IGFN1: variants seen among roughly 807,000 people sequenced by gnomAD.
The protein encoded by IGFN1 is immunoglobulin like and fibronectin type III domain containing 1.
Under a neutral mutation model 289.5 loss-of-function variants are expected in IGFN1, and 253 were observed. That is an observed-to-expected ratio of 0.87 (90% CI 0.79 to 0.97). The LOEUF (loss-of-function observed/expected upper bound fraction) is 0.97, where lower values mean the gene tolerates loss of function less well. IGFN1 is among the 50% of genes least tolerant of loss of function. IGFN1 has a pLI of 0.00. For missense variants in IGFN1, 4,470 were observed against 4,686.1 expected, an observed-to-expected ratio of 0.95 and a Z score of 1.35; for synonymous variants, 1,706 against 1,788.5, an observed-to-expected ratio of 0.95 and a Z score of 1.16.
intron 3 of IGFN1, among the ~76,000 whole-genome samples, chr1:201,194,494 C>T (rs1405515821): frequency 2.0e-5 from 3 of 152,178 alleles, no homozygotes; most frequent in African/African-American, 7.2e-5. Flanking sequence ...AGTGAAGAGA[C>T]ACCATGCTAT....
At position 201,207,543 on chromosome 1, in the gene IGFN1, G is replaced by T; in HGVS notation, c.2650G>T (p.Asp884Tyr). Residue 884 changes from aspartate to tyrosine, a missense_variant, in exon 12 of 24, where the codon GAT becomes TAT. Coordinates refer to ENST00000335211, the MANE Select transcript of IGFN1 (RefSeq NM_001164586.2). ...ACTGACGGAGTCTGGTCAGGGGGTG[G>T]ATGCCAGAAGCCACTGGCTAAGTAG... Reference protein sequence around the residue: ...AGLTESGQGVDARSHWLSRAP... With the variant: ...AGLTESGQGVYARSHWLSRAP... The T allele has an allele frequency of 6.5e-7, 1 of 1,536,888 alleles. No individual in the cohort carries two copies. The highest frequency in any genetic ancestry group is 1.2e-5 in the South Asian group (1 of 84,046).
At position 201,206,854 on chromosome 1, in the gene IGFN1, T is replaced by C; in HGVS notation, c.1961T>C (p.Val654Ala). Residue 654 changes from valine (V) to alanine (A), a missense_variant, in exon 12 of 24, where the codon GTG becomes GCG. By Grantham distance (64) the Val-to-Ala change is moderately conservative. This residue lies in a region of IGFN1 where 2,011 missense variants were observed against 1,953.4 expected (regional missense o/e 1.03). Transcript: ENST00000335211. Reference protein sequence around the residue: ...PSRERGRGIVVWGGGTGLGEA... With the variant: ...PSRERGRGIVAWGGGTGLGEA... ...AGGGAAAGGGGGAGAGGAATAGTAG[T>C]GTGGGGTGGTGGGACTGGCCTGGGA... 2 of 1,535,778 alleles carry C rather than the reference T, an allele frequency of 1.3e-6. No homozygotes were observed. The highest frequency in any genetic ancestry group is 8.7e-7 in the Non-Finnish European group (1 of 1,146,412).
Position 201,212,204 on chromosome 1 carries a change from A to G in IGFN1, c.7311A>G (p.Ala2437=). Residue 2437 remains alanine, a synonymous_variant, in exon 12 of 24, where the codon GCA becomes GCG. Coordinates refer to ENST00000335211, the MANE Select transcript of IGFN1 (RefSeq NM_001164586.2). ...AGMPGTAGGM[A]HRDSLRGTGV... Reference sequence around the variant, plus strand: ...TGCCAGGCACTGCAGGTGGCATGGCACACAGAGACAGCCTCAGGGGCACAG... The same window carrying G: ...TGCCAGGCACTGCAGGTGGCATGGCGCACAGAGACAGCCTCAGGGGCACAG... 1 of 1,534,846 alleles carries G rather than the reference A, an allele frequency of 6.5e-7. No homozygotes were observed.
In IGFN1 at chr1:201,215,021, C is replaced by T. The variant is rs756145525; in HGVS notation, c.8862C>T (p.Thr2954=). Residue 2954 remains threonine (T), a synonymous_variant, in exon 14 of 24, where the codon ACC becomes ACT. Coordinates refer to ENST00000335211, the MANE Select transcript of IGFN1 (RefSeq NM_001164586.2). ...TWFKDGVKLT[T]QDGVIFKQDG... ...TGTGGCCCTGTCTCCAGCTCACCAC[C>T]CAGGATGGAGTCATCTTTAAGCAAG... 1 of 1,613,698 alleles carries T rather than the reference C, an allele frequency of 6.2e-7. No individual in the cohort carries two copies. The highest frequency in any genetic ancestry group is 8.5e-7 in the Non-Finnish European group (1 of 1,179,862).
intron 18 of IGFN1, 96 bp downstream of exon 18, chr1:201,218,754 G>A (rs1210215661): frequency 4.9e-5 from 63 of 1,275,966 alleles, no homozygotes; most frequent in East Asian, 2.6e-4. Context: ...GTCACAGGTC[G>A]GGGCAGTCCT....
intron 7 of IGFN1, among the ~76,000 whole-genome samples, chr1:201,199,948 C>T (rs751845570): frequency 2.0e-5 from 3 of 151,406 alleles, no homozygotes; most frequent in Non-Finnish European, 4.4e-5. Context: ...TTTTTTTAAG[C>T]AACAGAACAA....
At position 201,215,846 on chromosome 1, in the gene IGFN1, C is replaced by G. The variant is rs1371691266; in HGVS notation, c.9295+8C>G. On this transcript the variant is annotated splice_region_variant and intron_variant, in intron 15 of 23. Coordinates refer to ENST00000335211, the MANE Select transcript of IGFN1 (RefSeq NM_001164586.2). ...TCACTCTGCAAGTCATAGGTACCAG[C>G]CCTGTCTTCCCCCAACTAAGGCCTG... is the stretch of plus-strand genomic sequence containing the variant. 6.2e-7 allele frequency: 1 copy of G among 1,604,324 alleles called. No individual in the cohort carries two copies. Among genetic ancestry groups the G allele is most frequent in the Non-Finnish European group, 8.5e-7 (1 of 1,175,774 alleles).
rs778805082 is a variant in IGFN1 at position 201,221,479 on chromosome 1, G to A, written c.9934G>A (p.Asp3312Asn). The change falls in exon 19 of 24, where the codon GAC becomes AAC. Residue 3312 changes from aspartate to asparagine, a missense_variant. This residue lies in a region of IGFN1 where 2,218 missense variants were observed against 2,114.1 expected (regional missense o/e 1.05). Coordinates refer to ENST00000335211, the MANE Select transcript of IGFN1 (RefSeq NM_001164586.2). Reference protein sequence around the residue: ...PGLVRNLQVTDRSNTSITLSW... With the variant: ...PGLVRNLQVTNRSNTSITLSW... Reference sequence around the variant, plus strand: ...GCTGGTGAGGAATCTCCAAGTCACAGACAGATCGAACACCAGCATCACTCT... The same window carrying A: ...GCTGGTGAGGAATCTCCAAGTCACAAACAGATCGAACACCAGCATCACTCT... The A allele has an allele frequency of 6.2e-7, 1 of 1,610,810 alleles. No individual in the cohort carries two copies. Among genetic ancestry groups the A allele is most frequent in the African/African-American group, 1.3e-5 (1 of 75,026 alleles).
chr1:201,212,985 A>T lies in IGFN1; in HGVS notation c.8092A>T (p.Ser2698Cys). ...SPWSLDSKGS[S>C]PGRGSSVDAE... ...ATGGTCCCTGGATAGCAAAGGTTCA[A>T]GTCCTGGAAGGGGCAGTTCTGTTGA... The change falls in exon 12 of 24, where the codon AGT becomes TGT. Residue 2698 changes from serine (S) to cysteine (C), a missense_variant. Ser to Cys is a moderately radical substitution (Grantham distance 112, BLOSUM62 -1). Around this residue, in one of 8 missense-constraint regions of IGFN1, gnomAD observed 2,218 missense variants for 2,114.1 expected, o/e 1.05. Coordinates refer to ENST00000335211, the MANE Select transcript of IGFN1 (RefSeq NM_001164586.2). 6.4e-7 allele frequency: 1 copy of T among 1,551,570 alleles called. No homozygotes were observed.
At chr1:201,203,112 A>C (rs1429242364) in intron 9 of IGFN1, among the ~76,000 whole-genome samples, 3 of 151,972 alleles carry the variant, frequency 2.0e-5, no homozygotes, top group Non-Finnish European at 4.4e-5. Flanking sequence ...TATTATTTAT[A>C]TTTTTCCCCC....
chr1:201,217,985 G>A (rs1653443561), intron 17 of IGFN1, among the ~76,000 whole-genome samples: 1 of 152,204 alleles, frequency 6.6e-6, no homozygotes, highest in Admixed American at 6.5e-5. Flanking sequence ...AAAGAACTTG[G>A]AAAAGCCAAA....
Position 201,211,603 on chromosome 1 carries a change from G to T in IGFN1, c.6710G>T (p.Gly2237Val), listed in dbSNP as rs1398709198. Residue 2237 changes from glycine (G) to valine (V), a missense_variant, in exon 12 of 24, where the codon GGG becomes GTG. This residue lies in a region of IGFN1 where 2,218 missense variants were observed against 2,114.1 expected (regional missense o/e 1.05). Transcript: ENST00000335211. ...GSKAGFRDGL[G>V]SSGEMGSMDE... is the part of the protein sequence containing the mutation. The stretch of plus-strand genomic sequence containing the variant: ...AAGGCAGGTTTCAGGGATGGTTTAG[G>T]GAGTTCTGGGGAAATGGGGTCAATG... 6.5e-7 allele frequency: 1 copy of T among 1,535,616 alleles called. No homozygotes were observed. The highest frequency in any genetic ancestry group is 2.5e-5 in the East Asian group (1 of 40,762).
chr1:201,194,243 C>A lies in IGFN1; in HGVS notation c.97C>A (p.Gln33Lys), dbSNP rs1467142042. The change falls in exon 3 of 24, where the codon CAG (glutamine) becomes AAG (lysine). Residue 33 changes from glutamine to lysine, a missense_variant. Physicochemically the swap from Gln to Lys is moderately conservative, Grantham distance 53 (BLOSUM62 1). Around this residue, in one of 8 missense-constraint regions of IGFN1, gnomAD observed 2,011 missense variants for 1,953.4 expected, o/e 1.03. Transcript: ENST00000335211. ...AGGCTGCAGCACGCCGGACTTTGAGCAGAAGCCCGTCACCTCGGCTCTGCC... is the reference window on the plus strand; with the variant it reads ...AGGCTGCAGCACGCCGGACTTTGAGAAGAAGCCCGTCACCTCGGCTCTGCC... Reference protein sequence around the residue: ...PEGCSTPDFEQKPVTSALPEG... With the variant: ...PEGCSTPDFEKKPVTSALPEG... The A allele has an allele frequency of 1.9e-6, 3 of 1,551,592 alleles. No homozygotes were observed. The South Asian group carries it at 3.6e-5, about 18-fold the overall frequency.
chr1:201,226,042 T>C lies in IGFN1; in HGVS notation c.10705T>C (p.Phe3569Leu). 6.3e-7 allele frequency: 1 copy of C among 1,597,942 alleles called. No individual in the cohort carries two copies. Among genetic ancestry groups the C allele is most frequent in the Admixed American group, 1.7e-5 (1 of 58,966 alleles). ...LGILPGHEYHFRVVAKNELGA... is the reference protein window; with the variant it reads ...LGILPGHEYHLRVVAKNELGA... ...CATCCTCCCCGGCCACGAATACCACTTCAGGGTGGTGGCCAAGAATGAGCT... is the reference window on the plus strand; with the variant it reads ...CATCCTCCCCGGCCACGAATACCACCTCAGGGTGGTGGCCAAGAATGAGCT... Residue 3569 changes from phenylalanine (F) to leucine (L), a missense_variant, in exon 22 of 24, where the codon TTC (phenylalanine) becomes CTC (leucine). This residue lies in a region of IGFN1 where 2,218 missense variants were observed against 2,114.1 expected (regional missense o/e 1.05). Transcript: ENST00000335211.
Position 201,204,766 on chromosome 1 carries a change from G to A in IGFN1, c.917-316G>A, listed in dbSNP as rs191600551. Among the ~76,000 whole-genome samples the A allele has an allele frequency of 5.3e-5, 8 of 152,308 alleles. No homozygotes were observed. In the East Asian group the frequency reaches 1.5e-3, roughly 29 times the overall value. ...TACTTATCTTGGAGATGGTCACAAGGATGAATAAGATAAACTACCGGCTCT... is the reference window on the plus strand; with the variant it reads ...TACTTATCTTGGAGATGGTCACAAGAATGAATAAGATAAACTACCGGCTCT... On this transcript the variant is annotated intron_variant, in intron 10 of 23. Coordinates refer to ENST00000335211, the MANE Select transcript of IGFN1 (RefSeq NM_001164586.2).
chr1:201,199,384 C>T lies in IGFN1; in HGVS notation c.412+6C>T, dbSNP rs1287623306. On this transcript the variant is annotated splice_donor_region_variant and intron_variant, in intron 6 of 23. Coordinates refer to ENST00000335211, the MANE Select transcript of IGFN1 (RefSeq NM_001164586.2). ...GCACAGGGAACCGCAGGAAGGTAGG[C>T]AGATTTGTCAGAAACCTCCTTGGGG... 1 of 1,551,686 alleles carries T rather than the reference C, an allele frequency of 6.4e-7. No homozygotes were observed. Among genetic ancestry groups the T allele is most frequent in the Admixed American group, 2.0e-5 (1 of 51,006 alleles).
rs1195215138 is a variant in IGFN1 at position 201,207,257 on chromosome 1, A to G, written c.2364A>G (p.Leu788=). ...ACCCCAGAGGCTGCGAAGGTGTCCTACAGGAGCTCAGGGGAAGGGATGGCC... is the reference window on the plus strand; with the variant it reads ...ACCCCAGAGGCTGCGAAGGTGTCCTGCAGGAGCTCAGGGGAAGGGATGGCC... ...PGDPRGCEGV[L]QELRGRDGQE... Residue 788 remains leucine, a synonymous_variant, in exon 12 of 24, where the codon CTA becomes CTG. Transcript: ENST00000335211. 5.5e-5 allele frequency: 84 copies of G among 1,536,606 alleles called. No homozygotes were observed. The highest frequency in any genetic ancestry group is 7.1e-5 in the Non-Finnish European group (82 of 1,146,882).
chr1:201,205,748 A>T (rs999026975), intron 11 of IGFN1, among the ~76,000 whole-genome samples: 2 of 152,232 alleles, frequency 1.3e-5, no homozygotes, highest in Non-Finnish European at 2.9e-5. Context: ...TGGTTGAGCA[A>T]GTCGATATTT....
rs1179300222 is a variant in IGFN1, at chr1:201,205,296, G to T, written c.1131G>T (p.Met377Ile). Residue 377 changes from methionine (M) to isoleucine (I), a missense_variant, in exon 11 of 24, where the codon ATG (methionine) becomes ATT (isoleucine). Met to Ile is a conservative substitution (Grantham distance 10). Transcript: ENST00000335211. Reference sequence around the variant, plus strand: ...TGAGGGGGGCACGTTTCTCAGACATGGGCCCCTATTCGCTGGGCACCGGGC... The same window carrying T: ...TGAGGGGGGCACGTTTCTCAGACATTGGCCCCTATTCGCTGGGCACCGGGC... The part of the protein sequence containing the change: ...LVVRGARFSD[M>I]GPYSLGTGLY... 15 of 1,521,670 alleles carry T rather than the reference G, an allele frequency of 9.9e-6. No individual in the cohort carries two copies. Among genetic ancestry groups the T allele is most frequent in the Non-Finnish European group, 1.3e-5 (15 of 1,132,962 alleles). 94.3% of individuals were successfully genotyped at this position (1,521,670 alleles called of 1,614,324 possible). A position where few individuals can be genotyped will look rare whatever the true frequency, so the allele number is the denominator to read the frequency against.
Sources: gnomAD v4.1 joint callset for allele counts (sites outside exome capture counted in the v4.1 genomes callset) on GRCh38, gnomAD v4.1.1 for gene constraint, gnomAD v4.1.1 regional missense constraint, MANE v1.5 for transcripts, NCBI Gene and HGNC (gene_info 2026-07-23, HGNC 2026-07-21) for gene names.